Variants in EPHB2 observed in about 807,000 individuals in gnomAD.
EPHB2 encodes the protein ephrin type-B receptor 2.
EPHB2 carries 18 observed loss-of-function variants against 96.4 expected under a neutral mutation model. That is an observed-to-expected ratio of 0.19 (90% CI 0.13 to 0.28). The LOEUF is 0.28. Among genes scored for constraint, EPHB2 ranks in the 10% least tolerant of loss-of-function variants. The pLI is 1.00. For missense variants in EPHB2, 989 were observed against 1,355.4 expected (o/e 0.73, Z 4.25); for synonymous variants, 506 against 534.1 (o/e 0.95, Z 0.72).
chr1:22,740,676 AC>A (rs886351093), intron 1 of EPHB2, among the ~76,000 whole-genome samples: 13 of 151,724 alleles, frequency 8.6e-5, no homozygotes, highest in Admixed American at 2.0e-4. Flanking sequence ...AACTCACCTG[AC>A]CCTTTCAAAC....
intron 1 of EPHB2, among the ~76,000 whole-genome samples, chr1:22,759,215 T>C (rs1644200249): frequency 2.0e-5 from 3 of 152,134 alleles, no homozygotes; most frequent in Admixed American, 6.5e-5. Context: ...GCATAGCCAC[T>C]AATCACCAAG....
chr1:22,761,290 G>A (rs529514666), intron 1 of EPHB2, among the ~76,000 whole-genome samples: 2 of 152,324 alleles, frequency 1.3e-5, no homozygotes, highest in Admixed American at 1.3e-4. Context: ...AGAGTAGCAC[G>A]AACACACCAA....
At position 22,906,223 on chromosome 1, in the gene EPHB2, C is replaced by A. The variant is rs1233374288; in HGVS notation, c.1888+114C>A. On this transcript the variant is annotated intron_variant, in intron 10 of 15. Coordinates refer to ENST00000374630, the MANE Select transcript of EPHB2 (RefSeq NM_017449.5). This position sits in a 1 kb window ranked among gnomAD's most constrained non-coding sequence, Gnocchi z 4.8. The stretch of plus-strand genomic sequence containing the variant: ...ATGTGGGACAGGCGCCTCAAAGGAC[C>A]CCCCAAGGCCTGAAGGTTCAGAATG... 1.3e-6 allele frequency: 2 copies of A among 1,504,716 alleles called. No homozygotes were observed. Among genetic ancestry groups the A allele is most frequent in the Non-Finnish European group, 1.8e-6 (2 of 1,101,220 alleles). 93.2% of individuals were successfully genotyped at this position (1,504,716 alleles called of 1,614,324 possible).
intron 3 of EPHB2, among the ~76,000 whole-genome samples, chr1:22,794,101 T>G (rs1231860282): frequency 6.6e-6 from 1 of 152,088 alleles, no homozygotes; most frequent in African/African-American, 2.4e-5. Context: ...ATGGAAACAT[T>G]ACACCCTGGC....
intron 5 of EPHB2, among the ~76,000 whole-genome samples, chr1:22,881,128 C>G (rs1639030944): frequency 6.6e-6 from 1 of 152,052 alleles, no homozygotes; most frequent in South Asian, 2.1e-4. Context: ...ACACCAGGCA[C>G]AGTGTCTCAT....
rs118028035 is a variant in EPHB2, at chr1:22,745,129, A to G, written c.61+34086A>G. Reference sequence around the variant, plus strand: ...ACATGTTCACTGAAAGACAGGGACTAGAGCACAATGTTCACAGCAGCTTTG... The same window carrying G: ...ACATGTTCACTGAAAGACAGGGACTGGAGCACAATGTTCACAGCAGCTTTG... On this transcript the variant is annotated intron_variant, in intron 1 of 15. Transcript: ENST00000374630. 5.1e-4 allele frequency among the ~76,000 whole-genome samples: 78 copies of G among 152,348 alleles called. 1 individual carries two copies. In the East Asian group the frequency reaches 8.3e-3, roughly 16 times the overall value.
chr1:22,823,450 C>T (rs1645180932), intron 3 of EPHB2, among the ~76,000 whole-genome samples: 1 of 152,132 alleles, frequency 6.6e-6, no homozygotes, highest in African/African-American at 2.4e-5. Context: ...TGTGAACCTC[C>T]TTTGTGAAAT....
intron 1 of EPHB2, among the ~76,000 whole-genome samples, chr1:22,745,784 C>G (rs974826067): frequency 6.6e-6 from 1 of 151,982 alleles, no homozygotes; most frequent in African/African-American, 2.4e-5. Context: ...CAGCAAGGCT[C>G]GGGCTGGGCC....
At chr1:22,879,602 C>T (rs1271781675) in intron 5 of EPHB2, among the ~76,000 whole-genome samples, 2 of 152,230 alleles carry the variant, frequency 1.3e-5, no homozygotes, top group African/African-American at 4.8e-5. Context: ...CCCACCTCAG[C>T]TCCTCGCCAG....
intron 3 of EPHB2, among the ~76,000 whole-genome samples, chr1:22,840,455 C>A (rs1369095279): frequency 6.6e-6 from 1 of 152,064 alleles, no homozygotes; most frequent in African/African-American, 2.4e-5. Context: ...TGCCCCAAAT[C>A]ATTTTATTTT....
At chr1:22,891,736 A>G (rs1639394070) in intron 6 of EPHB2, among the ~76,000 whole-genome samples, 1 of 152,054 alleles carries the variant, frequency 6.6e-6, no homozygotes, top group Admixed American at 6.6e-5. Flanking sequence ...TGGGGTACCC[A>G]AAGGCATGGA....
chr1:22,829,913 A>G (rs573296508), intron 3 of EPHB2, among the ~76,000 whole-genome samples: 10 of 152,188 alleles, frequency 6.6e-5, no homozygotes, highest in Non-Finnish European at 1.5e-4. Context: ...TTGGGCAGCA[A>G]TGAAGGCTCC....
At chr1:22,894,857 C>T (rs553119274) in intron 7 of EPHB2, among the ~76,000 whole-genome samples, 3 of 152,186 alleles carry the variant, frequency 2.0e-5, no homozygotes, top group Admixed American at 6.5e-5. Flanking sequence ...AGGACTGTTC[C>T]GAGATACGTA....
chr1:22,725,365 A>G (rs1056855959), intron 1 of EPHB2, among the ~76,000 whole-genome samples: 1 of 152,066 alleles, frequency 6.6e-6, no homozygotes, highest in African/African-American at 2.4e-5. Flanking sequence ...ATGGAGAGGT[A>G]GATAGATAGG....
At chr1:22,783,218 T>G (rs1230023785) in intron 2 of EPHB2, among the ~76,000 whole-genome samples, 2 of 152,212 alleles carry the variant, frequency 1.3e-5, no homozygotes, top group Non-Finnish European at 2.9e-5. Flanking sequence ...CTCTACTCCC[T>G]CATCCTCTGT....
rs1644677287 is a variant in EPHB2 at position 22,790,654 on chromosome 1, C to A, written c.811+5578C>A. On this transcript the variant is annotated intron_variant, in intron 3 of 15. Coordinates refer to ENST00000374630, the MANE Select transcript of EPHB2 (RefSeq NM_017449.5). The surrounding 1 kb of genome is among the most constrained non-coding windows in gnomAD (Gnocchi z 4.0). ...TGCCCAGCAGGAACCCCCAACCTAG[C>A]CTTCTTTGGGGACCTTGCTCTGTTC... is the stretch of plus-strand genomic sequence containing the variant. Among the ~76,000 whole-genome samples, 1 of 152,238 alleles carries A rather than the reference C, an allele frequency of 6.6e-6. No individual in the cohort carries two copies. Among genetic ancestry groups the A allele is most frequent in the Admixed American group, 6.5e-5 (1 of 15,290 alleles).
intron 3 of EPHB2, among the ~76,000 whole-genome samples, chr1:22,809,263 G>A (rs1392951589): frequency 1.3e-5 from 2 of 152,142 alleles, no homozygotes; most frequent in South Asian, 2.1e-4. Flanking sequence ...GCTGCTCCCC[G>A]GCAATTGGCA....
At position 22,759,972 on chromosome 1, in the gene EPHB2, G is replaced by A. The variant is rs191800894; in HGVS notation, c.62-21449G>A. Among the ~76,000 whole-genome samples the A allele has an allele frequency of 2.4e-3, 368 of 152,268 alleles. 2 individuals are homozygous for A. The highest frequency in any genetic ancestry group is 8.5e-3 in the African/African-American group (354 of 41,550). ...CGGATCCCACCCATGCAACATTCTC[G>A]CTGCCTGTCAACCTGAGGCTTGTGC... On this transcript the variant is annotated intron_variant, in intron 1 of 15. Transcript: ENST00000374630.
chr1:22,804,198 G>A (rs375958646), intron 3 of EPHB2, among the ~76,000 whole-genome samples: 2 of 152,208 alleles, frequency 1.3e-5, no homozygotes, highest in Admixed American at 6.5e-5. Flanking sequence ...GGCCAGTGTA[G>A]GAATGAGCTT....
Sources: allele counts gnomAD v4.1 joint callset (sites outside exome capture counted in the v4.1 genomes callset), GRCh38; gene constraint gnomAD v4.1.1; non-coding constraint Gnocchi (gnomAD v3.1); transcripts MANE v1.5; gene names NCBI Gene and HGNC (gene_info 2026-07-23, HGNC 2026-07-21).